Variants in XKR4 observed in about 807,000 individuals in gnomAD.
XKR4 encodes the protein XK related 4, also known as XK-related protein 4.
In XKR4, 12 loss-of-function variants were observed where a neutral mutation model predicts 53.9. The observed-to-expected ratio is 0.22, with a 90% CI of 0.14 to 0.36. The LOEUF (loss-of-function observed/expected upper bound fraction) is 0.36, where lower values mean the gene tolerates loss of function less well. Ranked by LOEUF, XKR4 falls within the 10% of genes least tolerant of loss-of-function variation. The pLI, the probability that XKR4 is intolerant of heterozygous loss-of-function variation, is 1.00. For missense variants in XKR4, 799 were observed against 859.5 expected (o/e 0.93, Z 0.88); for synonymous variants, 354 against 362.4 (o/e 0.98, Z 0.26).
At chr8:55,307,782 T>C (rs1819325718) in intron 1 of XKR4, among the ~76,000 whole-genome samples, 1 of 152,118 alleles carries the variant, frequency 6.6e-6, no homozygotes. Context: ...ATGGCTAAAA[T>C]TAAGAACAGT....
At chr8:55,255,883 A>C (rs1232112444) in intron 1 of XKR4, among the ~76,000 whole-genome samples, 2 of 151,926 alleles carry the variant, frequency 1.3e-5, no homozygotes, top group African/African-American at 2.4e-5. Flanking sequence ...GATGGTAGAC[A>C]AAGGGTATGT....
At chr8:55,436,462 CA>C (rs1321706908) in intron 2 of XKR4, among the ~76,000 whole-genome samples, 1 of 152,196 alleles carries the variant, frequency 6.6e-6, no homozygotes, top group African/African-American at 2.4e-5. Flanking sequence ...TGGTGTTGCA[CA>C]GAAGTTGAAG....
At chr8:55,187,425 T>C (rs1180847378) in intron 1 of XKR4, among the ~76,000 whole-genome samples, 1 of 152,142 alleles carries the variant, frequency 6.6e-6, no homozygotes, top group East Asian at 1.9e-4. Context: ...GAAGTTGTTG[T>C]AATGAATTTG....
chr8:55,449,416 G>A (rs1315087694), intron 2 of XKR4: 4 of 659,710 alleles, frequency 6.1e-6, no homozygotes, highest in East Asian at 2.7e-5. Context: ...GCCGAGGGCC[G>A]GGCCGGGGCT....
intron 1 of XKR4, among the ~76,000 whole-genome samples, chr8:55,311,636 C>G (rs1819390208): frequency 6.6e-6 from 1 of 151,926 alleles, no homozygotes; most frequent in Non-Finnish European, 1.5e-5. Context: ...TCTTAATATA[C>G]AATGGAAATG....
Position 55,532,215 on chromosome 8 carries a change from T to C in XKR4, c.*7988T>C, listed in dbSNP as rs1452669381. ...CTTAGCGAGTCACATTATGCATTAA[T>C]AAAAGAGTTGACCTAATAAATGTTA... is the stretch of plus-strand genomic sequence containing the variant. On this transcript the variant is annotated 3_prime_UTR_variant, in exon 3 of 3. Transcript: ENST00000327381. 3 of 152,200 alleles carry C rather than the reference T, an allele frequency of 2.0e-5. No individual in the cohort carries two copies. Among genetic ancestry groups the C allele is most frequent in the African/African-American group, 7.2e-5 (3 of 41,432 alleles). The allele number at this position is 152,200 out of a possible 1,614,324, so 9.4% of individuals were successfully genotyped here.
At chr8:55,452,171 C>T (rs1217716053) in intron 2 of XKR4, 2 of 727,666 alleles carry the variant, frequency 2.7e-6, no homozygotes, top group East Asian at 5.4e-5. Flanking sequence ...TGCAGAAGAG[C>T]TCGGCACTGT....
intron 2 of XKR4, chr8:55,454,447 G>A: frequency 8.4e-7 from 1 of 1,189,890 alleles, no homozygotes; most frequent in Non-Finnish European, 1.2e-6. Context: ...GGTAGCTCCG[G>A]GACAGGAAGA....
At chr8:55,256,257 T>C (rs1056288558) in intron 1 of XKR4, among the ~76,000 whole-genome samples, 3 of 152,338 alleles carry the variant, frequency 2.0e-5, no homozygotes, top group Admixed American at 6.5e-5. Flanking sequence ...ATGGATCTTA[T>C]TGAAGAACTT....
chr8:55,133,709 T>A (rs1345945546), intron 1 of XKR4, among the ~76,000 whole-genome samples: 1 of 152,216 alleles, frequency 6.6e-6, no homozygotes, highest in Non-Finnish European at 1.5e-5. Context: ...CCAAAGTTGC[T>A]GAAATCTTAA....
At position 55,476,011 on chromosome 8, in the gene XKR4, G is replaced by T. The variant is rs139274215; in HGVS notation, c.1007-47270G>T. On this transcript the variant is annotated intron_variant, in intron 2 of 2. Transcript: ENST00000327381. The stretch of plus-strand genomic sequence containing the variant: ...TCCATTCACTTCAGCCTTCCAAAGT[G>T]CTGGGATTACAGGTGTTAGCCACCG... 1.0e-3 allele frequency among the ~76,000 whole-genome samples: 157 copies of T among 152,182 alleles called. 1 individual carries two copies. The highest frequency in any genetic ancestry group is 3.6e-3 in the African/African-American group (151 of 41,466).
chr8:55,474,819 T>C (rs1805949021), intron 2 of XKR4, among the ~76,000 whole-genome samples: 1 of 152,136 alleles, frequency 6.6e-6, no homozygotes, highest in Admixed American at 6.5e-5. Flanking sequence ...AGGTAATCTA[T>C]ATCTGGACAC....
intron 1 of XKR4, among the ~76,000 whole-genome samples, chr8:55,353,737 T>C (rs1160096596): frequency 6.6e-6 from 1 of 152,222 alleles, no homozygotes; most frequent in Non-Finnish European, 1.5e-5. Context: ...ATTCCAGGGC[T>C]ATTCCAAGCA....
chr8:55,496,100 G>A (rs1403178188), intron 2 of XKR4, among the ~76,000 whole-genome samples: 1 of 152,242 alleles, frequency 6.6e-6, no homozygotes, highest in Non-Finnish European at 1.5e-5. Flanking sequence ...GATATGGTCT[G>A]TAAGGAAGTG....
intron 1 of XKR4, among the ~76,000 whole-genome samples, chr8:55,163,320 G>A (rs893956754): frequency 1.3e-5 from 2 of 152,204 alleles, no homozygotes; most frequent in African/African-American, 4.8e-5. Flanking sequence ...ATCGCATTTA[G>A]GTAAGGGCTG....
At chr8:55,122,353 G>A (rs1381948427) in intron 1 of XKR4, among the ~76,000 whole-genome samples, 1 of 152,056 alleles carries the variant, frequency 6.6e-6, no homozygotes, top group Non-Finnish European at 1.5e-5. Context: ...AACCTTTTTG[G>A]TTTTAAAATT....
intron 1 of XKR4, among the ~76,000 whole-genome samples, chr8:55,277,369 C>T (rs576167252): frequency 6.5e-4 from 99 of 152,276 alleles, no homozygotes; most frequent in Non-Finnish European, 1.3e-3. Flanking sequence ...TATACACATA[C>T]AAGTTGAGTA....
chr8:55,299,465 C>A (rs146323903), intron 1 of XKR4, among the ~76,000 whole-genome samples: 19 of 152,270 alleles, frequency 1.2e-4, no homozygotes, highest in Non-Finnish European at 2.5e-4. Context: ...ATTCTGAAAG[C>A]ATTGGGGATC....
intron 2 of XKR4, 149 bp from the exon 3 acceptor site, chr8:55,523,131 GA>G: frequency 4.2e-6 from 3 of 706,832 alleles, no homozygotes; most frequent in Non-Finnish European, 6.7e-6. Context: ...AACAGAGCGA[GA>G]CTCTGTCTCA....
Sources: allele counts gnomAD v4.1 joint callset (sites outside exome capture counted in the v4.1 genomes callset), GRCh38; gene constraint gnomAD v4.1.1; transcripts MANE v1.5; gene names NCBI Gene and HGNC (gene_info 2026-07-23, HGNC 2026-07-21).